EPB41L3: variants seen among roughly 807,000 people sequenced by gnomAD.
EPB41L3 encodes the protein erythrocyte membrane protein band 4.1 like 3.
In EPB41L3, 57 loss-of-function variants were observed where a neutral mutation model predicts 127.1. The ratio of observed to expected loss-of-function variants is 0.45; its 90% CI spans 0.36 to 0.56. EPB41L3 has a LOEUF of 0.56. Ranked by LOEUF, EPB41L3 falls within the 20% of genes least tolerant of loss-of-function variation. EPB41L3 has a pLI of 0.00. For synonymous variants in EPB41L3, 572 were observed against 549.5 expected, an observed-to-expected ratio of 1.04 and a Z score of -0.57; for missense variants, 1,273 against 1,372.2, an observed-to-expected ratio of 0.93 and a Z score of 1.14.
At chr18:5,617,320 ATT>A (rs5822868) in intron 1 of EPB41L3, among the ~76,000 whole-genome samples, 214 of 125,514 alleles carry the variant, frequency 1.7e-3, no homozygotes, top group African/African-American at 5.4e-3. Context: ...TATTATTATT[ATT>A]TTTTTTTTTT....
At chr18:5,502,031 C>T (rs2091790785) in intron 1 of EPB41L3, among the ~76,000 whole-genome samples, 4 of 101,084 alleles carry the variant, frequency 4.0e-5, no homozygotes, top group African/African-American at 1.6e-4. Flanking sequence ...CGCCATCTTC[C>T]CTCCTGCCTC....
rs574409634 is a variant in EPB41L3 at position 5,445,917 on chromosome 18, C to A, written c.382-673G>T. Among the ~76,000 whole-genome samples, 6 of 152,182 alleles carry A rather than the reference C, an allele frequency of 3.9e-5. No individual in the cohort carries two copies. The South Asian group carries it at 1.2e-3, about 32-fold the overall frequency. On this transcript the variant is annotated intron_variant, in intron 3 of 22. Coordinates refer to ENST00000341928, the MANE Select transcript of EPB41L3 (RefSeq NM_012307.5). Reference sequence around the variant, plus strand: ...TGATGTGAGGTGGATCAGTTTCATCCCAAAACCATCCTCCACCCCAGTCCA... The same window carrying A: ...TGATGTGAGGTGGATCAGTTTCATCACAAAACCATCCTCCACCCCAGTCCA...
chr18:5,516,175 A>ACAC (rs1224540959), intron 1 of EPB41L3, among the ~76,000 whole-genome samples: 2 of 152,146 alleles, frequency 1.3e-5, no homozygotes, highest in Non-Finnish European at 2.9e-5. Context: ...CCCGAAACTC[A>ACAC]CACCTCATTT....
At chr18:5,442,466 T>C (rs2080921268) in intron 5 of EPB41L3, among the ~76,000 whole-genome samples, 1 of 152,204 alleles carries the variant, frequency 6.6e-6, no homozygotes, top group Admixed American at 6.5e-5. Flanking sequence ...TTACCTAGTA[T>C]TGAACCATTT....
intron 16 of EPB41L3, among the ~76,000 whole-genome samples, chr18:5,401,770 ACTT>A (rs1438762649): frequency 6.6e-6 from 1 of 152,090 alleles, no homozygotes; most frequent in Admixed American, 6.6e-5. Context: ...TTGCTTTTTA[ACTT>A]CTTTTTATTT....
intron 16 of EPB41L3, among the ~76,000 whole-genome samples, chr18:5,403,799 T>C (rs2143579782): frequency 6.6e-6 from 1 of 152,274 alleles, no homozygotes; most frequent in African/African-American, 2.4e-5. Context: ...GTAGGCTTTA[T>C]TATAAAATAG....
intron 3 of EPB41L3, among the ~76,000 whole-genome samples, chr18:5,552,242 A>G (rs1237967226): frequency 6.6e-6 from 1 of 152,252 alleles, no homozygotes; most frequent in Non-Finnish European, 1.5e-5. Flanking sequence ...CTATTACTGT[A>G]GCTGGCTACC....
chr18:5,604,593 A>G (rs569693437), intron 3 of EPB41L3, among the ~76,000 whole-genome samples: 3 of 152,096 alleles, frequency 2.0e-5, no homozygotes, highest in Non-Finnish European at 4.4e-5. Context: ...AGCTGGGATT[A>G]CAGATGTGCA....
At chr18:5,562,118 C>T (rs1192022507) in intron 3 of EPB41L3, among the ~76,000 whole-genome samples, 2 of 152,024 alleles carry the variant, frequency 1.3e-5, no homozygotes, top group South Asian at 2.1e-4. Flanking sequence ...GGAAAAATTG[C>T]GAGATCTGAA....
intron 3 of EPB41L3, among the ~76,000 whole-genome samples, chr18:5,597,098 C>T (rs76739254): frequency 0.012 from 1,775 of 152,276 alleles, 28 homozygotes; most frequent in African/African-American, 0.035. Context: ...GTCTATAAGA[C>T]TGGCTTGGAC....
intron 1 of EPB41L3, among the ~76,000 whole-genome samples, chr18:5,498,361 A>C (rs2091381206): frequency 6.6e-6 from 1 of 152,150 alleles, no homozygotes; most frequent in East Asian, 1.9e-4. Flanking sequence ...TGGGAGGCTG[A>C]GGCGGGTGGA....
intron 3 of EPB41L3, among the ~76,000 whole-genome samples, chr18:5,566,665 G>A (rs1309698884): frequency 1.3e-5 from 2 of 151,964 alleles, no homozygotes; most frequent in Non-Finnish European, 2.9e-5. Flanking sequence ...TCAATCCTAA[G>A]CCAAAGGAAC....
upstream of EPB41L3, among the ~76,000 whole-genome samples, chr18:5,545,695 CTA>C: frequency 6.6e-6 from 1 of 152,218 alleles, no homozygotes; most frequent in African/African-American, 2.4e-5. Flanking sequence ...TCGGAGGAGA[CTA>C]TGGTATTAAG....
chr18:5,410,505 A>G, intron 14 of EPB41L3, 61 bp downstream of exon 14: 2 of 1,261,836 alleles, frequency 1.6e-6, no homozygotes, highest in Non-Finnish European at 2.3e-6. Flanking sequence ...TTAAACACAG[A>G]GCCACCCCAC....
At chr18:5,542,480 C>A (rs112812920) in intron 1 of EPB41L3, among the ~76,000 whole-genome samples, 4 of 152,026 alleles carry the variant, frequency 2.6e-5, no homozygotes, top group South Asian at 2.1e-4. Context: ...CTCCCCACCC[C>A]CCCTCAACAA....
chr18:5,598,942 T>C (rs1277140898), intron 3 of EPB41L3, among the ~76,000 whole-genome samples: 3 of 152,194 alleles, frequency 2.0e-5, no homozygotes, highest in Non-Finnish European at 4.4e-5. Flanking sequence ...ATCTAGCACA[T>C]TTTAAATCTT....
chr18:5,431,926 G>A (rs1428865325), intron 8 of EPB41L3, among the ~76,000 whole-genome samples: 1 of 152,086 alleles, frequency 6.6e-6, no homozygotes, highest in African/African-American at 2.4e-5. Flanking sequence ...TAATGAACTG[G>A]CAAGTAAACA....
At chr18:5,486,541 A>G (rs959707700) in intron 2 of EPB41L3, among the ~76,000 whole-genome samples, 1 of 152,172 alleles carries the variant, frequency 6.6e-6, no homozygotes, top group Non-Finnish European at 1.5e-5. Flanking sequence ...AAATTAACAA[A>G]GAGCCTACAG....
intron 15 of EPB41L3, 66 bp downstream of exon 15, chr18:5,407,635 A>G (rs370841242): frequency 9.7e-6 from 15 of 1,544,106 alleles, no homozygotes; most frequent in Non-Finnish European, 1.3e-5. Flanking sequence ...GCTGTAGACA[A>G]ACAATGACTT....
Sources: gnomAD v4.1 joint callset for allele counts (sites outside exome capture counted in the v4.1 genomes callset) on GRCh38, gnomAD v4.1.1 for gene constraint, MANE v1.5 for transcripts, NCBI Gene and HGNC (gene_info 2026-07-23, HGNC 2026-07-21) for gene names.